DNM3: variants seen among roughly 807,000 people sequenced by gnomAD.
DNM3 encodes dynamin-3.
DNM3 carries 47 observed loss-of-function variants against 101.6 expected under a neutral mutation model. The observed-to-expected ratio is 0.46, with a 90% CI of 0.37 to 0.59. The LOEUF (loss-of-function observed/expected upper bound fraction) is 0.59, where lower values mean the gene tolerates loss of function less well. DNM3 is among the 20% of genes least tolerant of loss of function. The pLI, the probability that DNM3 is intolerant of heterozygous loss-of-function variation, is 0.00. For missense variants in DNM3, 849 were observed against 1,085.7 expected (o/e 0.78, Z 3.06); for synonymous variants, 385 against 387.9 (o/e 0.99, Z 0.09).
intron 4 of DNM3, among the ~76,000 whole-genome samples, chr1:172,031,459 T>G (rs980049223): frequency 6.6e-6 from 1 of 152,096 alleles, no homozygotes; most frequent in Non-Finnish European, 1.5e-5. Flanking sequence ...ATTGGGAGGC[T>G]TAAAACCTAG....
chr1:172,220,149 C>T (rs1035737510), intron 14 of DNM3, among the ~76,000 whole-genome samples: 3 of 152,130 alleles, frequency 2.0e-5, no homozygotes, highest in African/African-American at 7.2e-5. Context: ...ATGATGATGT[C>T]ATTGAAGAGA....
intron 15 of DNM3, among the ~76,000 whole-genome samples, chr1:172,304,890 G>C (rs541338624): frequency 1.3e-5 from 2 of 152,288 alleles, no homozygotes; most frequent in East Asian, 1.9e-4. Context: ...GCAGTGTGTA[G>C]AGGGAAATTT....
At chr1:172,347,776 A>C (rs866904854) in intron 17 of DNM3, among the ~76,000 whole-genome samples, 1 of 152,220 alleles carries the variant, frequency 6.6e-6, no homozygotes, top group African/African-American at 2.4e-5. Flanking sequence ...CAGAACGTTC[A>C]TAACAGCACT....
At chr1:171,925,153 G>A (rs181179547) in intron 2 of DNM3, among the ~76,000 whole-genome samples, 113 of 149,652 alleles carry the variant, frequency 7.6e-4, no homozygotes, top group Admixed American at 2.5e-3. Flanking sequence ...CACCCACCTC[G>A]GTCTCCCAAA....
At chr1:172,124,462 T>A (rs1449729251) in intron 13 of DNM3, among the ~76,000 whole-genome samples, 1 of 152,142 alleles carries the variant, frequency 6.6e-6, no homozygotes. Context: ...ATTCAAAACC[T>A]CCTAATTTTT....
intron 20 of DNM3, 133 bp downstream of exon 20, chr1:172,388,942 G>A: frequency 1.3e-6 from 1 of 773,012 alleles, no homozygotes; most frequent in Non-Finnish European, 2.1e-6. Flanking sequence ...ACAATGAACA[G>A]AGACTATAGG....
At chr1:172,082,118 AT>A (rs1238300524) in intron 12 of DNM3, among the ~76,000 whole-genome samples, 1 of 152,244 alleles carries the variant, frequency 6.6e-6, no homozygotes, top group Non-Finnish European at 1.5e-5. Context: ...TATGCAGCAT[AT>A]GAAGTCATGT....
At chr1:172,225,424 C>T (rs2061076672) in intron 14 of DNM3, among the ~76,000 whole-genome samples, 1 of 151,898 alleles carries the variant, frequency 6.6e-6, no homozygotes, top group South Asian at 2.1e-4. Context: ...CATGAGCCAC[C>T]GTACCCGACC....
chr1:171,958,648 A>G (rs2043014823), intron 2 of DNM3, among the ~76,000 whole-genome samples: 1 of 152,212 alleles, frequency 6.6e-6, no homozygotes, highest in South Asian at 2.1e-4. Context: ...TACAATGGGC[A>G]GGATAGATGG....
At chr1:172,390,683 G>A (rs1220923649) in intron 20 of DNM3, among the ~76,000 whole-genome samples, 1 of 152,182 alleles carries the variant, frequency 6.6e-6, no homozygotes. Context: ...TCCGCATTGA[G>A]CCTTGCTACA....
chr1:172,368,523 T>TTGATTTCAAAAA (rs2068148174), intron 17 of DNM3, among the ~76,000 whole-genome samples: 1 of 151,554 alleles, frequency 6.6e-6, no homozygotes, highest in Admixed American at 6.6e-5. Flanking sequence ...ATCAAAAAAG[T>TTGATTTCAAAAA]AGAAAGATTT....
In DNM3 at chr1:172,072,433, C is replaced by T. The variant is rs116245673; in HGVS notation, c.1422+3528C>T. Among the ~76,000 whole-genome samples, 1,030 of 152,206 alleles carry T rather than the reference C, an allele frequency of 6.8e-3. 19 individuals carry two copies. The highest frequency in any genetic ancestry group is 0.023 in the African/African-American group (970 of 41,512). On this transcript the variant is annotated intron_variant, in intron 11 of 20. Transcript: ENST00000627582. ...TTTAAATCTTTTTTTGACAGGTCCC[C>T]TTGTGACTCTCAGCAAGAATTGGTC...
At chr1:171,970,944 A>G (rs1257633242) in intron 2 of DNM3, among the ~76,000 whole-genome samples, 1 of 152,094 alleles carries the variant, frequency 6.6e-6, no homozygotes, top group Non-Finnish European at 1.5e-5. Context: ...AAATTTCAGC[A>G]TTACCTTTAT....
rs2071018456 is a variant in DNM3 at position 172,408,033 on chromosome 1, T to C, written c.*192T>C. On this transcript the variant is annotated 3_prime_UTR_variant, in exon 21 of 21. Transcript: ENST00000627582. ...AACCTTTGGGGTTTGACTCAGAAAC[T>C]GCTAACCTTTTAGAGGCTTTATATG... 2.8e-6 allele frequency: 4 copies of C among 1,434,146 alleles called. No homozygotes were observed. Among genetic ancestry groups the C allele is most frequent in the Non-Finnish European group, 2.7e-6 (3 of 1,094,158 alleles). The allele number at this position is 1,434,146 out of a possible 1,614,324, so 88.8% of individuals were successfully genotyped here.
intron 2 of DNM3, among the ~76,000 whole-genome samples, chr1:171,930,244 G>A (rs770552845): frequency 4.6e-5 from 7 of 152,164 alleles, no homozygotes; most frequent in East Asian, 1.9e-4. Context: ...GCCCCTCCCC[G>A]CAGAGCTCTA....
At chr1:171,922,799 T>C (rs1414282474) in intron 2 of DNM3, among the ~76,000 whole-genome samples, 1 of 152,254 alleles carries the variant, frequency 6.6e-6, no homozygotes, top group Non-Finnish European at 1.5e-5. Flanking sequence ...AATCATTTAA[T>C]ATGTGGTCTT....
At chr1:172,381,019 A>G (rs913968680) in intron 18 of DNM3, 1 of 151,344 alleles carries the variant, frequency 6.6e-6, no homozygotes, top group Admixed American at 6.6e-5. Context: ...TTGCAAATCT[A>G]TCCTACTTTC....
At chr1:172,056,086 GCA>G (rs1422728589) in intron 10 of DNM3, among the ~76,000 whole-genome samples, 1 of 152,192 alleles carries the variant, frequency 6.6e-6, no homozygotes, top group Non-Finnish European at 1.5e-5. Flanking sequence ...GTGACGGACG[GCA>G]CCTGGAAAAT....
intron 1 of DNM3, among the ~76,000 whole-genome samples, chr1:171,891,343 G>A (rs1177603399): frequency 3.0e-5 from 4 of 133,458 alleles, no homozygotes; most frequent in Non-Finnish European, 4.7e-5. Flanking sequence ...ACATGGGCAA[G>A]TGCTAAAAAA....
Sources: gnomAD v4.1 joint callset for allele counts (sites outside exome capture counted in the v4.1 genomes callset) on GRCh38, gnomAD v4.1.1 for gene constraint, MANE v1.5 for transcripts, NCBI Gene and HGNC (gene_info 2026-07-23, HGNC 2026-07-21) for gene names.